Variants in DLGAP1 observed in about 807,000 individuals in gnomAD.
DLGAP1 encodes the protein DLG associated protein 1.
DLGAP1 carries 11 observed loss-of-function variants against 90.8 expected under a neutral mutation model. The observed-to-expected ratio is 0.12, with a 90% CI of 0.08 to 0.20. DLGAP1 has a LOEUF of 0.20. DLGAP1 is among the 10% of genes least tolerant of loss of function. The pLI is 1.00. For missense variants in DLGAP1, 1,050 were observed against 1,333.8 expected (o/e 0.79, Z 3.31); for synonymous variants, 558 against 540.7 (o/e 1.03, Z -0.44).
chr18:3,524,433 G>A (rs1041061015), intron 10 of DLGAP1, among the ~76,000 whole-genome samples: 3 of 152,204 alleles, frequency 2.0e-5, no homozygotes, highest in East Asian at 1.9e-4. Flanking sequence ...GTATTAGGGC[G>A]TCTTGTGGAA....
intron 1 of DLGAP1, among the ~76,000 whole-genome samples, chr18:4,266,814 T>A (rs938117653): frequency 5.3e-5 from 8 of 152,256 alleles, no homozygotes; most frequent in African/African-American, 1.4e-4. Flanking sequence ...GTGATTTTTT[T>A]AAAATGATTT....
intron 10 of DLGAP1, among the ~76,000 whole-genome samples, chr18:3,519,881 A>G (rs563643): frequency 0.72 from 110,128 of 151,968 alleles, 40,116 homozygotes; most frequent in South Asian, 0.8. Context: ...AATTTGTATT[A>G]TTTAAAAATT....
At chr18:3,850,067 T>C (rs772011040) in intron 4 of DLGAP1, among the ~76,000 whole-genome samples, 4 of 152,154 alleles carry the variant, frequency 2.6e-5, no homozygotes, top group African/African-American at 7.2e-5. Context: ...CTTAGAAAAT[T>C]AGCATGTGGG....
At position 3,728,329 on chromosome 18, in the gene DLGAP1, C is replaced by T. The variant is rs200362688; in HGVS notation, c.1591+806G>A. The stretch of plus-strand genomic sequence containing the variant: ...ATATATATATATATATATATATATA[C>T]ATGTTTCATATGCACGCATTGTCAT... On this transcript the variant is annotated intron_variant, in intron 7 of 12. Coordinates refer to ENST00000315677, the MANE Select transcript of DLGAP1 (RefSeq NM_004746.4). 2.2e-3 allele frequency among the ~76,000 whole-genome samples: 144 copies of T among 65,372 alleles called. 1 individual carries two copies. The highest frequency in any genetic ancestry group is 0.013 in the African/African-American group (90 of 6,876). The allele number at this position is 65,372 out of a possible 152,430, so 42.9% of individuals were successfully genotyped here.
chr18:4,340,864 C>T (rs1178263201), intron 1 of DLGAP1, among the ~76,000 whole-genome samples: 1 of 150,908 alleles, frequency 6.6e-6, no homozygotes, highest in Non-Finnish European at 1.5e-5. Flanking sequence ...ACCTAAGCAG[C>T]TCTCTCTGAA....
intron 2 of DLGAP1, among the ~76,000 whole-genome samples, chr18:4,036,070 A>T (rs1424511561): frequency 1.3e-5 from 2 of 152,098 alleles, no homozygotes; most frequent in African/African-American, 4.8e-5. Flanking sequence ...TCAGGGATGG[A>T]AAGATAGAAC....
intron 7 of DLGAP1, among the ~76,000 whole-genome samples, chr18:3,720,402 T>C (rs2061930416): frequency 6.6e-6 from 1 of 152,240 alleles, no homozygotes; most frequent in Non-Finnish European, 1.5e-5. Context: ...TTAAAATAAA[T>C]GTGAGACTGT....
intron 7 of DLGAP1, among the ~76,000 whole-genome samples, chr18:3,700,057 G>A (rs1429361680): frequency 6.6e-6 from 1 of 152,166 alleles, no homozygotes. Context: ...TAGCTTGCTA[G>A]GCTCTCTGGG....
At chr18:4,446,645 T>C (rs1244879679) in intron 1 of DLGAP1, among the ~76,000 whole-genome samples, 1 of 152,270 alleles carries the variant, frequency 6.6e-6, no homozygotes, top group Middle Eastern at 3.4e-3. Context: ...TTGGAAAACA[T>C]TTCTCAAACA....
intron 1 of DLGAP1, chr18:4,430,502 CTGTGTGTGTGTGTGTGTGTGTGTG>C (rs869047448): frequency 2.1e-5 from 3 of 142,550 alleles, no homozygotes; most frequent in African/African-American, 7.7e-5. Context: ...TCTTGTGTGT[CTGTGTGTGTGTGTGTGTGTGTGTG>C]TGTGTGTGTG....
At chr18:3,974,180 G>T (rs56130146) in intron 3 of DLGAP1, among the ~76,000 whole-genome samples, 59,939 of 151,586 alleles carry the variant, frequency 0.4, 12,046 homozygotes, top group Non-Finnish European at 0.42. Flanking sequence ...GTTCAAGTGA[G>T]TCCCCTGCCT....
intron 5 of DLGAP1, among the ~76,000 whole-genome samples, chr18:3,777,944 T>C (rs926945163): frequency 2.0e-5 from 3 of 152,170 alleles, no homozygotes; most frequent in Non-Finnish European, 4.4e-5. Flanking sequence ...TGTGTGTTTG[T>C]AGAACTCAAA....
chr18:4,021,294 C>G (rs2074604394), intron 2 of DLGAP1, among the ~76,000 whole-genome samples: 1 of 152,176 alleles, frequency 6.6e-6, no homozygotes, highest in Non-Finnish European at 1.5e-5. Context: ...CTTGGGTCAT[C>G]AGGGCAAGTC....
At chr18:4,107,308 A>C (rs917886299) in intron 2 of DLGAP1, among the ~76,000 whole-genome samples, 1 of 152,172 alleles carries the variant, frequency 6.6e-6, no homozygotes, top group Non-Finnish European at 1.5e-5. Context: ...TCACACAGTG[A>C]ATTTTCCACC....
chr18:4,357,636 CT>C (rs1326284469), intron 1 of DLGAP1, among the ~76,000 whole-genome samples: 1 of 152,148 alleles, frequency 6.6e-6, no homozygotes, highest in Admixed American at 6.5e-5. Context: ...CTGGAGTAGC[CT>C]ACCTCCTGAG....
intron 3 of DLGAP1, among the ~76,000 whole-genome samples, chr18:3,923,903 T>C (rs1447107688): frequency 1.3e-5 from 2 of 152,190 alleles, no homozygotes; most frequent in African/African-American, 4.8e-5. Flanking sequence ...ACCAGTATCT[T>C]AAAGGAGATG....
chr18:4,234,810 C>T, intron 1 of DLGAP1, among the ~76,000 whole-genome samples: 1 of 152,116 alleles, frequency 6.6e-6, no homozygotes, highest in East Asian at 1.9e-4. Context: ...TGGATAGATG[C>T]TGACGTTCTT....
chr18:3,661,344 C>G (rs184352356), intron 7 of DLGAP1, among the ~76,000 whole-genome samples: 59 of 152,332 alleles, frequency 3.9e-4, no homozygotes, highest in Non-Finnish European at 6.6e-4. Context: ...TGGGTAAGCT[C>G]TGTGGCTGCT....
chr18:4,047,677 C>A (rs2075074040), intron 2 of DLGAP1, among the ~76,000 whole-genome samples: 1 of 152,114 alleles, frequency 6.6e-6, no homozygotes, highest in East Asian at 1.9e-4. Context: ...TAGGAAGAAA[C>A]CTTGGTCAAT....
Sources: gnomAD v4.1 joint callset for allele counts (sites outside exome capture counted in the v4.1 genomes callset) on GRCh38, gnomAD v4.1.1 for gene constraint, MANE v1.5 for transcripts, NCBI Gene and HGNC (gene_info 2026-07-23, HGNC 2026-07-21) for gene names.